Variants in AUTS2 observed in about 807,000 individuals in gnomAD.
The protein encoded by AUTS2 is activator of transcription and developmental regulator AUTS2.
Under a neutral mutation model 112.4 loss-of-function variants are expected in AUTS2, and 17 were observed. That is an observed-to-expected ratio of 0.15 (90% CI 0.10 to 0.23). The LOEUF (loss-of-function observed/expected upper bound fraction) is 0.23, where lower values mean the gene tolerates loss of function less well. Ranked by LOEUF, AUTS2 falls within the 10% of genes least tolerant of loss-of-function variation. The pLI is 1.00. For missense variants in AUTS2, 1,510 were observed against 1,701.6 expected (o/e 0.89, Z 1.98); for synonymous variants, 751 against 702.7 (o/e 1.07, Z -1.09).
At chr7:70,182,029 C>G (rs952072841) in intron 4 of AUTS2, among the ~76,000 whole-genome samples, 2 of 149,062 alleles carry the variant, frequency 1.3e-5, no homozygotes, top group East Asian at 4.0e-4. Flanking sequence ...CGATCGATCT[C>G]CTGACCTCAT....
intron 2 of AUTS2, among the ~76,000 whole-genome samples, chr7:69,938,641 G>A (rs1282234109): frequency 1.3e-5 from 2 of 152,192 alleles, no homozygotes; most frequent in African/African-American, 4.8e-5. Flanking sequence ...AGGGAGATAA[G>A]CAGTACACCC....
At chr7:70,376,046 C>T (rs918013111) in intron 4 of AUTS2, among the ~76,000 whole-genome samples, 1 of 151,144 alleles carries the variant, frequency 6.6e-6, no homozygotes, top group Admixed American at 6.6e-5. Flanking sequence ...AGAAGAAGTG[C>T]TTGAATGAGC....
intron 1 of AUTS2, among the ~76,000 whole-genome samples, chr7:69,734,240 C>T (rs1584156063): frequency 6.6e-6 from 1 of 152,036 alleles, no homozygotes; most frequent in Non-Finnish European, 1.5e-5. Flanking sequence ...ATTAATTTCC[C>T]ATTTTCAGCT....
At chr7:70,470,420 C>T (rs1288965243) in intron 5 of AUTS2, among the ~76,000 whole-genome samples, 1 of 152,208 alleles carries the variant, frequency 6.6e-6, no homozygotes, top group Non-Finnish European at 1.5e-5. Flanking sequence ...CAAGGTGAAT[C>T]ACTGGATTCA....
chr7:70,620,805 CTT>C (rs908419302), intron 5 of AUTS2, among the ~76,000 whole-genome samples: 5 of 152,142 alleles, frequency 3.3e-5, no homozygotes, highest in Non-Finnish European at 7.3e-5. Context: ...TCCATGGCCT[CTT>C]TGTTGTGTTT....
At chr7:69,790,492 C>G (rs182807527) in intron 1 of AUTS2, among the ~76,000 whole-genome samples, 2 of 152,284 alleles carry the variant, frequency 1.3e-5, no homozygotes, top group Non-Finnish European at 2.9e-5. Context: ...TTGGTAAAAT[C>G]GTATAATAGG....
intron 5 of AUTS2, among the ~76,000 whole-genome samples, chr7:70,441,229 T>C (rs1796111565): frequency 6.6e-6 from 1 of 152,200 alleles, no homozygotes; most frequent in South Asian, 2.1e-4. Context: ...CTGTTAGCAG[T>C]AGGAACAACC....
chr7:69,871,363 CT>C (rs1793488004), intron 1 of AUTS2, among the ~76,000 whole-genome samples: 1 of 152,158 alleles, frequency 6.6e-6, no homozygotes, highest in Non-Finnish European at 1.5e-5. Context: ...CCATAACACA[CT>C]TATAGGGTAG....
chr7:70,693,804 G>A (rs962960494), intron 5 of AUTS2, among the ~76,000 whole-genome samples: 4 of 152,234 alleles, frequency 2.6e-5, no homozygotes, highest in Non-Finnish European at 5.9e-5. Flanking sequence ...ACTGCGGGGA[G>A]GGCGAGGAGC....
chr7:70,152,670 C>A (rs1807508606), intron 4 of AUTS2, among the ~76,000 whole-genome samples: 1 of 151,938 alleles, frequency 6.6e-6, no homozygotes, highest in Non-Finnish European at 1.5e-5. Context: ...AATCAAAAAG[C>A]CTAGTTGAAA....
rs149547085 is a variant in AUTS2 at position 70,234,837 on chromosome 7, C to T, written c.660+100266C>T. On this transcript the variant is annotated intron_variant, in intron 4 of 18. Transcript: ENST00000342771. ...TCACACCTGGAATATTGATCTTCAC[C>T]GAGTAATTTGGGAAAAACAGAGGCA... 5.5e-3 allele frequency among the ~76,000 whole-genome samples: 840 copies of T among 152,144 alleles called. 5 individuals are homozygous for T. Among genetic ancestry groups the T allele is most frequent in the African/African-American group, 0.019 (781 of 41,486 alleles).
At chr7:70,540,580 G>A (rs1171032408) in intron 5 of AUTS2, among the ~76,000 whole-genome samples, 1 of 152,212 alleles carries the variant, frequency 6.6e-6, no homozygotes, top group African/African-American at 2.4e-5. Flanking sequence ...GGAGGTTGAA[G>A]ATCACGTGCT....
At chr7:70,617,902 A>G (rs1489537769) in intron 5 of AUTS2, among the ~76,000 whole-genome samples, 2 of 152,128 alleles carry the variant, frequency 1.3e-5, no homozygotes, top group Non-Finnish European at 2.9e-5. Flanking sequence ...AACAGAAAGA[A>G]TTTTCCTCAA....
At chr7:70,109,747 T>G (rs1250689585) in intron 2 of AUTS2, among the ~76,000 whole-genome samples, 1 of 152,148 alleles carries the variant, frequency 6.6e-6, no homozygotes, top group Non-Finnish European at 1.5e-5. Flanking sequence ...TTAGTAATTC[T>G]GAAAGGGAGG....
At position 69,831,235 on chromosome 7, in the gene AUTS2, T is replaced by C. The variant is rs956642470; in HGVS notation, c.310-68051T>C. Among the ~76,000 whole-genome samples the C allele has an allele frequency of 1.8e-4, 28 of 152,276 alleles. 1 individual carries two copies. In the East Asian group the frequency reaches 2.9e-3, roughly 16 times the overall value. ...TGTTCATTGTGCTATTTAGTGCAATTAGAATTAGGGAGCAATATTTGTTCT... is the reference window on the plus strand; with the variant it reads ...TGTTCATTGTGCTATTTAGTGCAATCAGAATTAGGGAGCAATATTTGTTCT... On this transcript the variant is annotated intron_variant, in intron 1 of 18. Coordinates refer to ENST00000342771, the MANE Select transcript of AUTS2 (RefSeq NM_015570.4).
chr7:70,678,360 C>T (rs1808033888), intron 5 of AUTS2, among the ~76,000 whole-genome samples: 1 of 152,216 alleles, frequency 6.6e-6, no homozygotes, highest in Admixed American at 6.5e-5. Context: ...ATTTTGATGA[C>T]ATGAAGAGGC....
At chr7:70,391,927 C>G (rs1306886023) in intron 4 of AUTS2, among the ~76,000 whole-genome samples, 1 of 152,122 alleles carries the variant, frequency 6.6e-6, no homozygotes, top group Non-Finnish European at 1.5e-5. Flanking sequence ...CTAGCCACCC[C>G]TGCTGCTTCC....
chr7:70,329,941 G>A (rs959167647), intron 4 of AUTS2, among the ~76,000 whole-genome samples: 3 of 152,106 alleles, frequency 2.0e-5, no homozygotes, highest in African/African-American at 7.2e-5. Flanking sequence ...ACACCTTGTT[G>A]CTGTGTCCAA....
intron 1 of AUTS2, among the ~76,000 whole-genome samples, chr7:69,611,807 G>A (rs913410825): frequency 6.6e-6 from 1 of 151,378 alleles, no homozygotes; most frequent in African/African-American, 2.4e-5. Context: ...GCAGGCGCCT[G>A]TAGTCCCAGC....
Sources: allele counts gnomAD v4.1 joint callset (sites outside exome capture counted in the v4.1 genomes callset), GRCh38; gene constraint gnomAD v4.1.1; transcripts MANE v1.5; gene names NCBI Gene and HGNC (gene_info 2026-07-23, HGNC 2026-07-21).